SPATA16: variants seen among roughly 807,000 people sequenced by gnomAD.
SPATA16 encodes the protein spermatogenesis associated 16, also known as spermatogenesis-associated protein 16.
Under a neutral mutation model 63.3 loss-of-function variants are expected in SPATA16, and 36 were observed. The observed-to-expected ratio is 0.57, with a 90% CI of 0.44 to 0.75. SPATA16 has a LOEUF of 0.75. Ranked by LOEUF, SPATA16 falls within the 30% of genes least tolerant of loss-of-function variation. The probability of loss-of-function intolerance (pLI) is 0.00; values close to 1 mark genes in which losing one functional copy is unlikely to be tolerated. For synonymous variants in SPATA16, 203 were observed against 216.7 expected (o/e 0.94, Z 0.56); for missense variants, 646 against 679.3 (o/e 0.95, Z 0.54).
At chr3:172,979,834 T>C (rs1351336000) in intron 4 of SPATA16, among the ~76,000 whole-genome samples, 1 of 152,210 alleles carries the variant, frequency 6.6e-6, no homozygotes, top group African/African-American at 2.4e-5. Flanking sequence ...ATAAGTATTA[T>C]AAGAGCAAAA....
chr3:172,907,499 A>T (rs569475184), intron 10 of SPATA16, among the ~76,000 whole-genome samples: 1 of 151,532 alleles, frequency 6.6e-6, no homozygotes, highest in East Asian at 1.9e-4. Flanking sequence ...TACTACTCTC[A>T]TTCATTCAGC....
chr3:173,123,822 T>G (rs1271636130), intron 1 of SPATA16, among the ~76,000 whole-genome samples: 5 of 152,072 alleles, frequency 3.3e-5, no homozygotes, highest in Non-Finnish European at 7.4e-5. Context: ...CAGGCTGATC[T>G]TGAACTCCTG....
intron 2 of SPATA16, among the ~76,000 whole-genome samples, chr3:173,062,890 G>A (rs1394290932): frequency 1.3e-5 from 2 of 152,156 alleles, no homozygotes; most frequent in East Asian, 3.9e-4. Flanking sequence ...CGCATATACA[G>A]TTCACAATAG....
intron 10 of SPATA16, among the ~76,000 whole-genome samples, chr3:172,908,519 T>C (rs532092124): frequency 3.3e-5 from 5 of 152,354 alleles, no homozygotes; most frequent in African/African-American, 9.6e-5. Flanking sequence ...CTTTCTGGGC[T>C]CTGAGAGAAA....
intron 3 of SPATA16, among the ~76,000 whole-genome samples, chr3:173,036,467 T>G (rs1577142699): frequency 6.6e-6 from 1 of 152,174 alleles, no homozygotes; most frequent in Non-Finnish European, 1.5e-5. Context: ...GCATGTTTTC[T>G]AAATGACCAA....
intron 4 of SPATA16, among the ~76,000 whole-genome samples, chr3:172,998,247 A>G (rs1237816907): frequency 6.6e-6 from 1 of 152,052 alleles, no homozygotes; most frequent in African/African-American, 2.4e-5. Flanking sequence ...TAGATCTTGT[A>G]CATAGTTTTG....
chr3:173,026,144 T>C (rs1014102829), intron 3 of SPATA16, among the ~76,000 whole-genome samples: 2 of 151,988 alleles, frequency 1.3e-5, no homozygotes, highest in African/African-American at 2.4e-5. Flanking sequence ...TAGGTGTAGA[T>C]GGTATCTCAT....
chr3:173,103,146 G>T (rs369811604), intron 2 of SPATA16, among the ~76,000 whole-genome samples: 1 of 152,224 alleles, frequency 6.6e-6, no homozygotes, highest in Non-Finnish European at 1.5e-5. Flanking sequence ...CTGGGGCTTT[G>T]CAGGGTTAGG....
intron 6 of SPATA16, among the ~76,000 whole-genome samples, chr3:172,943,834 G>A (rs922971607): frequency 6.6e-6 from 1 of 151,996 alleles, no homozygotes; most frequent in African/African-American, 2.4e-5. Flanking sequence ...TCCTTGATGA[G>A]ATAAAATATA....
At chr3:173,079,530 A>G (rs1736879700) in intron 2 of SPATA16, among the ~76,000 whole-genome samples, 1 of 152,160 alleles carries the variant, frequency 6.6e-6, no homozygotes, top group African/African-American at 2.4e-5. Flanking sequence ...TGTTATTGTT[A>G]TATCTTTTTC....
intron 2 of SPATA16, among the ~76,000 whole-genome samples, chr3:173,106,664 A>G (rs991990035): frequency 6.6e-6 from 1 of 152,076 alleles, no homozygotes; most frequent in Non-Finnish European, 1.5e-5. Context: ...CACTCTATCT[A>G]TCCACCCTTA....
At chr3:173,067,914 A>T (rs185882433) in intron 2 of SPATA16, among the ~76,000 whole-genome samples, 6 of 152,346 alleles carry the variant, frequency 3.9e-5, no homozygotes, top group Admixed American at 2.0e-4. Flanking sequence ...CTAGCAGCAG[A>T]TTTCTCAATG....
intron 4 of SPATA16, among the ~76,000 whole-genome samples, chr3:173,015,847 G>A (rs758308872): frequency 6.5e-5 from 9 of 139,342 alleles, no homozygotes; most frequent in Non-Finnish European, 1.4e-4. Flanking sequence ...TCTCATGAAG[G>A]TAGTCCCAAA....
At chr3:172,910,178 C>T (rs1732338737) in intron 10 of SPATA16, among the ~76,000 whole-genome samples, 2 of 150,274 alleles carry the variant, frequency 1.3e-5, no homozygotes, top group African/African-American at 2.5e-5. Context: ...ACTGCAACCT[C>T]TGCCTCCTGG....
intron 6 of SPATA16, among the ~76,000 whole-genome samples, chr3:172,946,564 A>G (rs57297238): frequency 0.087 from 13,268 of 152,034 alleles, 1,926 homozygotes; most frequent in African/African-American, 0.3. Context: ...AGTACTAGCC[A>G]TGAGCCTGGG....
rs60254906 is a variant in SPATA16 at position 172,961,063 on chromosome 3, CTT to C, written c.934-4241_934-4240del. 3.8e-4 allele frequency among the ~76,000 whole-genome samples: 11 copies of C among 28,712 alleles called. No homozygotes were observed. In the East Asian group the frequency reaches 4.6e-3, roughly 12 times the overall value. 18.8% of individuals were successfully genotyped at this position (28,712 alleles called of 152,430 possible). ...TTCTTTCTTTCTTCTTTCTTTCTTT[CTT>C]CTTTCTTCCTTCCTTCCTTCCTTCC... is the stretch of plus-strand genomic sequence containing the variant. On this transcript the variant is annotated intron_variant, in intron 5 of 10. Transcript: ENST00000351008.
intron 6 of SPATA16, among the ~76,000 whole-genome samples, chr3:172,942,954 A>G (rs1408505886): frequency 6.6e-6 from 1 of 152,210 alleles, no homozygotes; most frequent in African/African-American, 2.4e-5. Flanking sequence ...AAGATTTCAT[A>G]ATGAAAGTTA....
At chr3:172,944,612 A>T (rs1168098474) in intron 6 of SPATA16, among the ~76,000 whole-genome samples, 1 of 152,270 alleles carries the variant, frequency 6.6e-6, no homozygotes, top group African/African-American at 2.4e-5. Flanking sequence ...GGAAAAATAG[A>T]TAAACAAAAT....
intron 2 of SPATA16, among the ~76,000 whole-genome samples, chr3:173,059,170 A>C (rs1736317290): frequency 6.6e-6 from 1 of 152,028 alleles, no homozygotes; most frequent in Non-Finnish European, 1.5e-5. Flanking sequence ...AGAATTGCGG[A>C]AGGTTTGATT....
Sources: gnomAD v4.1 joint callset for allele counts (sites outside exome capture counted in the v4.1 genomes callset) on GRCh38, gnomAD v4.1.1 for gene constraint, MANE v1.5 for transcripts, NCBI Gene and HGNC (gene_info 2026-07-23, HGNC 2026-07-21) for gene names.